HPSE2: variants seen among roughly 807,000 people sequenced by gnomAD.
The protein encoded by HPSE2 is inactive heparanase-2.
HPSE2 carries 38 observed loss-of-function variants against 60.5 expected under a neutral mutation model. The ratio of observed to expected loss-of-function variants is 0.63; its 90% CI spans 0.48 to 0.82. HPSE2 has a LOEUF of 0.82. Ranked by LOEUF, HPSE2 falls within the 40% of genes least tolerant of loss-of-function variation. The pLI is 0.00. For missense variants in HPSE2, 713 were observed against 740.4 expected, an observed-to-expected ratio of 0.96 and a Z score of 0.43; for synonymous variants, 295 against 293.2, an observed-to-expected ratio of 1.01 and a Z score of -0.06.
chr10:98,882,175 C>T (rs1008964440), intron 3 of HPSE2, among the ~76,000 whole-genome samples: 1 of 152,020 alleles, frequency 6.6e-6, no homozygotes, highest in African/African-American at 2.4e-5. Context: ...ATATTTGGAG[C>T]AGACCCAGAA....
chr10:98,968,715 GGTT>G (rs1301780971), intron 3 of HPSE2, among the ~76,000 whole-genome samples: 2 of 152,106 alleles, frequency 1.3e-5, no homozygotes, highest in Non-Finnish European at 2.9e-5. Context: ...TGGAGCTGGA[GGTT>G]GTTGTTCTAA....
At chr10:98,637,722 T>A (rs1475275241) in intron 7 of HPSE2, among the ~76,000 whole-genome samples, 1 of 152,136 alleles carries the variant, frequency 6.6e-6, no homozygotes, top group Non-Finnish European at 1.5e-5. Flanking sequence ...TGGTGAAAAA[T>A]CTGCCCCTTT....
intron 1 of HPSE2, among the ~76,000 whole-genome samples, chr10:99,233,017 C>T (rs952130064): frequency 6.6e-6 from 1 of 152,270 alleles, no homozygotes; most frequent in Non-Finnish European, 1.5e-5. Context: ...TGAAACCTGC[C>T]TTGTTTCTCT....
chr10:98,879,559 T>G (rs1179319951), intron 3 of HPSE2, among the ~76,000 whole-genome samples: 1 of 151,648 alleles, frequency 6.6e-6, no homozygotes, highest in Non-Finnish European at 1.5e-5. Context: ...TACAGGAATT[T>G]TGAAGGATTT....
chr10:99,030,946 T>A (rs1055249767), intron 3 of HPSE2, among the ~76,000 whole-genome samples: 1 of 152,034 alleles, frequency 6.6e-6, no homozygotes, highest in Non-Finnish European at 1.5e-5. Flanking sequence ...TTGGACTTAA[T>A]GGACAGAGAG....
intron 5 of HPSE2, among the ~76,000 whole-genome samples, chr10:98,720,611 C>G (rs527869490): frequency 3.6e-4 from 55 of 152,222 alleles, no homozygotes; most frequent in African/African-American, 1.3e-3. Flanking sequence ...AGAAACCCTA[C>G]TTTTTGGAAT....
chr10:99,223,760 G>A (rs978218137), intron 2 of HPSE2, among the ~76,000 whole-genome samples: 10 of 152,120 alleles, frequency 6.6e-5, no homozygotes, highest in African/African-American at 9.7e-5. Context: ...GCTTAAGTCA[G>A]TCTGGGTACT....
intron 4 of HPSE2, among the ~76,000 whole-genome samples, chr10:98,735,221 C>T (rs182181733): frequency 0.18 from 3,620 of 20,520 alleles, no homozygotes; most frequent in South Asian, 0.26. Flanking sequence ...TAAAGATACC[C>T]GAAATGCGAA....
the HPSE2 span, among the ~76,000 whole-genome samples, chr10:99,301,568 G>T: frequency 2.6e-5 from 4 of 152,124 alleles, no homozygotes; most frequent in Non-Finnish European, 4.4e-5. Context: ...TTTGCAAATT[G>T]CCCAGTCTCA....
At chr10:99,033,742 C>T (rs1957549367) in intron 3 of HPSE2, among the ~76,000 whole-genome samples, 2 of 151,606 alleles carry the variant, frequency 1.3e-5, no homozygotes, top group Admixed American at 1.3e-4. Context: ...AAGATGGCGC[C>T]ACTCACTGCA....
chr10:98,653,956 C>T (rs552351731), intron 6 of HPSE2, among the ~76,000 whole-genome samples: 1 of 151,304 alleles, frequency 6.6e-6, no homozygotes, highest in African/African-American at 2.4e-5. Context: ...TTTCACTTTT[C>T]ATGGATAAAG....
chr10:98,896,279 TAATTATACA>T, intron 3 of HPSE2, among the ~76,000 whole-genome samples: 1 of 152,210 alleles, frequency 6.6e-6, no homozygotes, highest in Middle Eastern at 3.4e-3. Flanking sequence ...AAAGATTGGC[TAATTATACA>T]TTGGTGGAAA....
intron 3 of HPSE2, among the ~76,000 whole-genome samples, chr10:98,762,084 G>A (rs1007833053): frequency 1.3e-5 from 2 of 148,240 alleles, no homozygotes; most frequent in Admixed American, 1.4e-4. Flanking sequence ...CATAGGACTA[G>A]CCACTTACAG....
At chr10:98,461,869 C>G in intron 11 of HPSE2, 2 of 1,334,352 alleles carry the variant, frequency 1.5e-6, no homozygotes, top group South Asian at 2.5e-5. Flanking sequence ...AAAATCTATA[C>G]TAATAAGGAG....
intron 3 of HPSE2, among the ~76,000 whole-genome samples, chr10:98,793,954 G>A (rs1348698218): frequency 1.3e-5 from 2 of 152,194 alleles, no homozygotes; most frequent in African/African-American, 4.8e-5. Flanking sequence ...GCAAGTTGGA[G>A]CTGCTAGATC....
At chr10:98,459,776 C>T (rs1297395943) in intron 11 of HPSE2, 37 bp from the exon 12 acceptor site, 13 of 1,585,378 alleles carry the variant, frequency 8.2e-6, no homozygotes, top group Non-Finnish European at 1.1e-5. Context: ...CTCATTATTG[C>T]ATTATAAGGG....
intron 2 of HPSE2, among the ~76,000 whole-genome samples, chr10:99,205,612 G>A (rs1306540604): frequency 6.6e-6 from 1 of 152,088 alleles, no homozygotes; most frequent in Non-Finnish European, 1.5e-5. Flanking sequence ...TGGATTTCAT[G>A]TGAAATTTCA....
chr10:98,857,103 T>A (rs1952336331), intron 3 of HPSE2, among the ~76,000 whole-genome samples: 1 of 152,186 alleles, frequency 6.6e-6, no homozygotes, highest in Non-Finnish European at 1.5e-5. Context: ...AGAGGCATCA[T>A]CTTTCAGGAG....
chr10:99,251,391 TA>T, the HPSE2 span, among the ~76,000 whole-genome samples: 1 of 145,166 alleles, frequency 6.9e-6, no homozygotes, highest in East Asian at 2.1e-4. Context: ...CCAGAAAGAT[TA>T]ACAGCCGAAT....
Sources: allele counts gnomAD v4.1 joint callset (sites outside exome capture counted in the v4.1 genomes callset), GRCh38; gene constraint gnomAD v4.1.1; transcripts MANE v1.5; gene names NCBI Gene and HGNC (gene_info 2026-07-23, HGNC 2026-07-21).